OSTM1: variants seen among roughly 807,000 people sequenced by gnomAD.
OSTM1 encodes the protein osteopetrosis-associated transmembrane protein 1.
A neutral mutation model predicts 35.4 loss-of-function variants in OSTM1; 26 were observed. The observed-to-expected ratio is 0.73, with a 90% CI of 0.54 to 1.02. The LOEUF (loss-of-function observed/expected upper bound fraction) is 1.02, where lower values mean the gene tolerates loss of function less well. Ranked by LOEUF, OSTM1 falls within the 50% of genes least tolerant of loss-of-function variation. OSTM1 has a pLI of 0.00. For missense variants in OSTM1, 366 were observed against 409.6 expected, an observed-to-expected ratio of 0.89 and a Z score of 0.92; for synonymous variants, 181 against 165.0, an observed-to-expected ratio of 1.10 and a Z score of -0.75.
rs1314523611 is a variant in OSTM1, at chr6:108,044,373, A to T, written c.*412T>A. ...GGGGTAATTAAGCTACTTCCTAACAAGTACATTTCTTTTTCAAAGTCTTTA... is the reference window on the plus strand; with the variant it reads ...GGGGTAATTAAGCTACTTCCTAACATGTACATTTCTTTTTCAAAGTCTTTA... On this transcript the variant is annotated 3_prime_UTR_variant, in exon 6 of 6. Coordinates refer to ENST00000193322, the MANE Select transcript of OSTM1 (RefSeq NM_014028.4). 6.3e-6 allele frequency: 1 copy of T among 158,068 alleles called. No individual in the cohort carries two copies. The highest frequency in any genetic ancestry group is 2.4e-5 in the African/African-American group (1 of 41,512). 9.8% of individuals were successfully genotyped at this position (158,068 alleles called of 1,614,324 possible). A position where few individuals can be genotyped will look rare whatever the true frequency, so the allele number is the denominator to read the frequency against.
intron 1 of OSTM1, among the ~76,000 whole-genome samples, chr6:108,070,049 T>C (rs967218843): frequency 6.6e-6 from 1 of 152,038 alleles, no homozygotes; most frequent in African/African-American, 2.4e-5. Context: ...TTTTTTTTTC[T>C]TTTTTTGAGA....
At chr6:108,054,226 C>G (rs1159631863) in intron 3 of OSTM1, among the ~76,000 whole-genome samples, 1 of 152,170 alleles carries the variant, frequency 6.6e-6, no homozygotes, top group South Asian at 2.1e-4. Flanking sequence ...AATGTTTTCA[C>G]AATCATTATC....
At chr6:108,067,024 A>T (rs1582397760) in intron 1 of OSTM1, among the ~76,000 whole-genome samples, 1 of 152,234 alleles carries the variant, frequency 6.6e-6, no homozygotes, top group Non-Finnish European at 1.5e-5. Context: ...GCCTGCACCC[A>T]GGAAGTCAGG....
At chr6:108,056,842 AC>A (rs531708219) in intron 2 of OSTM1, among the ~76,000 whole-genome samples, 123 of 152,244 alleles carry the variant, frequency 8.1e-4, no homozygotes, top group African/African-American at 2.8e-3. Flanking sequence ...CTAACTTCTC[AC>A]CCTTATTTAA....
chr6:108,043,279 T>C lies in OSTM1; in HGVS notation c.*1506A>G, dbSNP rs1227720471. 1 of 152,160 alleles carries C rather than the reference T, an allele frequency of 6.6e-6. No homozygotes were observed. Among genetic ancestry groups the C allele is most frequent in the African/African-American group, 2.4e-5 (1 of 41,424 alleles). 9.4% of individuals were successfully genotyped at this position (152,160 alleles called of 1,614,324 possible). A position where few individuals can be genotyped will look rare whatever the true frequency, so the allele number is the denominator to read the frequency against. Reference sequence around the variant, plus strand: ...TGCTAAGTTCCAGCAGCATAAACAGTGACAGCAGAACAAACCCCAGCACAT... The same window carrying C: ...TGCTAAGTTCCAGCAGCATAAACAGCGACAGCAGAACAAACCCCAGCACAT... On this transcript the variant is annotated 3_prime_UTR_variant, in exon 6 of 6. Coordinates refer to ENST00000193322, the MANE Select transcript of OSTM1 (RefSeq NM_014028.4).
At chr6:108,049,897 C>T (rs1471854261) in intron 4 of OSTM1, among the ~76,000 whole-genome samples, 6 of 152,080 alleles carry the variant, frequency 3.9e-5, no homozygotes, top group Admixed American at 6.6e-5. Flanking sequence ...TCTTATAGTT[C>T]CCTCTGAGCT....
intron 1 of OSTM1, among the ~76,000 whole-genome samples, chr6:108,065,406 ATTTTTATTT>A (rs757046483): frequency 2.0e-5 from 3 of 150,126 alleles, no homozygotes; most frequent in Non-Finnish European, 4.4e-5. Flanking sequence ...TGCTTGGCTA[ATTTTTATTT>A]TTAGTACAGA....
intron 1 of OSTM1, among the ~76,000 whole-genome samples, chr6:108,069,082 C>T (rs1772433589): frequency 6.6e-6 from 1 of 152,180 alleles, no homozygotes; most frequent in African/African-American, 2.4e-5. Flanking sequence ...TACCTACCCC[C>T]CAGTCATACT....
chr6:108,054,601 TC>T lies in OSTM1; in HGVS notation c.518-15del, dbSNP rs1772138639. On this transcript the variant is annotated splice_polypyrimidine_tract_variant and intron_variant, in intron 2 of 5. Coordinates refer to ENST00000193322, the MANE Select transcript of OSTM1 (RefSeq NM_014028.4). ...TTGTTAAACAATCTGTCAAAAAAAT[TC>T]AAAAAGTATATTAATATAACTCAAG... 8.3e-7 allele frequency: 1 copy of T among 1,208,692 alleles called. No homozygotes were observed. Among genetic ancestry groups the T allele is most frequent in the Non-Finnish European group, 1.2e-6 (1 of 815,012 alleles). The allele number at this position is 1,208,692 out of a possible 1,614,324, so 74.9% of individuals were successfully genotyped here. A position where few individuals can be genotyped will look rare whatever the true frequency, so the allele number is the denominator to read the frequency against.
intron 5 of OSTM1, among the ~76,000 whole-genome samples, chr6:108,047,953 G>C (rs1030434945): frequency 3.9e-5 from 6 of 152,168 alleles, no homozygotes; most frequent in Non-Finnish European, 8.8e-5. Flanking sequence ...TCTCAATGGT[G>C]AGGTGCCCAC....
intron 1 of OSTM1, chr6:108,073,683 A>G (rs1772527512): frequency 6.5e-6 from 1 of 153,918 alleles, no homozygotes; most frequent in Non-Finnish European, 1.4e-5. Context: ...GCCGCTAGCT[A>G]GCTCCAGACT....
chr6:108,068,327 C>G (rs1317876706), intron 1 of OSTM1, among the ~76,000 whole-genome samples: 1 of 152,150 alleles, frequency 6.6e-6, no homozygotes, highest in African/African-American at 2.4e-5. Flanking sequence ...GGTGTTATCT[C>G]TAGTCCAGTC....
chr6:108,063,187 A>T (rs531863567), intron 2 of OSTM1, among the ~76,000 whole-genome samples: 35 of 152,120 alleles, frequency 2.3e-4, no homozygotes, highest in Non-Finnish European at 4.6e-4. Flanking sequence ...TAATTTAAAA[A>T]ATATATATTT....
At chr6:108,072,130 C>T (rs1024135524) in intron 1 of OSTM1, among the ~76,000 whole-genome samples, 6 of 152,170 alleles carry the variant, frequency 3.9e-5, no homozygotes, top group Admixed American at 2.6e-4. Context: ...CCACAATAGC[C>T]CTTGTTCTTT....
intron 1 of OSTM1, among the ~76,000 whole-genome samples, chr6:108,064,560 T>C (rs1168699966): frequency 2.0e-5 from 3 of 152,240 alleles, no homozygotes; most frequent in African/African-American, 7.2e-5. Context: ...TATGCTTTTG[T>C]AGATCATTTT....
At chr6:108,045,815 G>A (rs1771958353) in intron 5 of OSTM1, among the ~76,000 whole-genome samples, 1 of 152,074 alleles carries the variant, frequency 6.6e-6, no homozygotes. Context: ...TGCCCATAGT[G>A]AGAGTATTTT....
At chr6:108,057,162 G>A (rs1190980705) in intron 2 of OSTM1, among the ~76,000 whole-genome samples, 1 of 152,106 alleles carries the variant, frequency 6.6e-6, no homozygotes, top group African/African-American at 2.4e-5. Flanking sequence ...TGGGGAGGTC[G>A]AGGCTGCAAT....
At chr6:108,049,849 CATTTT>C (rs1231430954) in intron 4 of OSTM1, among the ~76,000 whole-genome samples, 1 of 152,308 alleles carries the variant, frequency 6.6e-6, no homozygotes, top group East Asian at 1.9e-4. Flanking sequence ...CTGTACATTT[CATTTT>C]AAGTACTTTT....
intron 1 of OSTM1, 93 bp from the exon 2 acceptor site, chr6:108,064,392 T>G (rs1007668365): frequency 2.0e-5 from 15 of 735,140 alleles, no homozygotes; most frequent in Non-Finnish European, 3.7e-5. Flanking sequence ...TAACATTTAT[T>G]ATAAGCTTTT....
Sources: allele counts gnomAD v4.1 joint callset (sites outside exome capture counted in the v4.1 genomes callset), GRCh38; gene constraint gnomAD v4.1.1; transcripts MANE v1.5; gene names NCBI Gene and HGNC (gene_info 2026-07-23, HGNC 2026-07-21).